LRMDA: variants seen among roughly 807,000 people sequenced by gnomAD.
LRMDA encodes the protein leucine rich melanocyte differentiation associated.
In LRMDA, 18 loss-of-function variants were observed where a neutral mutation model predicts 29.8. The observed-to-expected ratio is 0.60, with a 90% CI of 0.42 to 0.90. LRMDA has a LOEUF of 0.90. LRMDA is among the 40% of genes least tolerant of loss of function. LRMDA has a pLI of 0.00. For synonymous variants in LRMDA, 125 were observed against 109.4 expected (o/e 1.14, Z -0.89); for missense variants, 273 against 273.9 (o/e 1.00, Z 0.02).
chr10:75,789,105 C>G (rs1209172969), intron 2 of LRMDA, among the ~76,000 whole-genome samples: 5 of 152,230 alleles, frequency 3.3e-5, no homozygotes, highest in Admixed American at 1.3e-4. Context: ...TGGAATCACA[C>G]ATACAGGGTG....
chr10:75,818,253 G>A (rs1344939993), intron 2 of LRMDA, among the ~76,000 whole-genome samples: 1 of 152,140 alleles, frequency 6.6e-6, no homozygotes, highest in Non-Finnish European at 1.5e-5. Context: ...TAAGAGTTGT[G>A]GGGTCAGCCA....
chr10:76,016,458 T>C (rs924329081), intron 2 of LRMDA, among the ~76,000 whole-genome samples: 11 of 152,194 alleles, frequency 7.2e-5, no homozygotes, highest in African/African-American at 2.4e-5. Flanking sequence ...CTCCCTTTTC[T>C]CTATTTTGGC....
At chr10:76,123,252 T>A (rs1050880201) in intron 5 of LRMDA, among the ~76,000 whole-genome samples, 1 of 151,642 alleles carries the variant, frequency 6.6e-6, no homozygotes, top group Non-Finnish European at 1.5e-5. Context: ...CTCATACCTA[T>A]AATCCTAGTA....
intron 2 of LRMDA, among the ~76,000 whole-genome samples, chr10:75,553,722 G>A (rs916098310): frequency 6.6e-6 from 1 of 152,108 alleles, no homozygotes; most frequent in African/African-American, 2.4e-5. Flanking sequence ...CACCTTTTAA[G>A]GAGGAAGTGG....
chr10:76,172,456 G>A (rs1589362808), intron 5 of LRMDA, among the ~76,000 whole-genome samples: 2 of 152,308 alleles, frequency 1.3e-5, no homozygotes, highest in East Asian at 3.9e-4. Context: ...GAGTTGAGAT[G>A]AAGTTGAGAA....
chr10:76,043,725 G>A (rs781270616), intron 3 of LRMDA, among the ~76,000 whole-genome samples: 1 of 152,142 alleles, frequency 6.6e-6, no homozygotes, highest in Non-Finnish European at 1.5e-5. Context: ...CCCCGAACAT[G>A]GTGGCCAGCT....
chr10:76,522,897 T>C (rs931782898), intron 6 of LRMDA, among the ~76,000 whole-genome samples: 2 of 152,046 alleles, frequency 1.3e-5, no homozygotes, highest in Non-Finnish European at 2.9e-5. Flanking sequence ...AAATGGGTAA[T>C]TTACCGCCTC....
At chr10:76,306,131 G>A in intron 5 of LRMDA, among the ~76,000 whole-genome samples, 1 of 152,202 alleles carries the variant, frequency 6.6e-6, no homozygotes, top group Non-Finnish European at 1.5e-5. Flanking sequence ...GAAAGATTGG[G>A]TTTGGAACTC....
intron 6 of LRMDA, among the ~76,000 whole-genome samples, chr10:76,412,075 C>T (rs7901815): frequency 0.014 from 2,162 of 152,264 alleles, 50 homozygotes; most frequent in African/African-American, 0.049. Context: ...TGAATTCTCT[C>T]GAAATTTTGA....
intron 6 of LRMDA, among the ~76,000 whole-genome samples, chr10:76,515,705 C>T (rs979092317): frequency 6.6e-6 from 1 of 152,082 alleles, no homozygotes; most frequent in Non-Finnish European, 1.5e-5. Context: ...ATAGTTTTTC[C>T]TGTTGCCCAG....
intron 5 of LRMDA, among the ~76,000 whole-genome samples, chr10:76,302,618 T>C (rs1050302998): frequency 7.2e-5 from 11 of 152,124 alleles, no homozygotes; most frequent in African/African-American, 2.4e-4. Context: ...GAGAAAATGT[T>C]TGTGGTTTGT....
rs556502630 is a variant in LRMDA, at chr10:76,358,823, T to A, written c.601+34338T>A. Among the ~76,000 whole-genome samples the A allele has an allele frequency of 2.6e-5, 4 of 152,222 alleles. No homozygotes were observed. In the South Asian group the frequency reaches 8.3e-4, roughly 31 times the overall value. On this transcript the variant is annotated intron_variant, in intron 6 of 6. Coordinates refer to ENST00000611255, the MANE Select transcript of LRMDA (RefSeq NM_001305581.2). Reference sequence around the variant, plus strand: ...TTGAGTAGGACTTACATGTTATCCATCTAATCGCAGCTGTCTGGATGCACA... The same window carrying A: ...TTGAGTAGGACTTACATGTTATCCAACTAATCGCAGCTGTCTGGATGCACA...
chr10:75,916,829 A>G lies in LRMDA; in HGVS notation c.132-119179A>G, dbSNP rs1589252408. 2.0e-5 allele frequency among the ~76,000 whole-genome samples: 3 copies of G among 152,304 alleles called. No homozygotes were observed. The South Asian group carries it at 6.2e-4, about 32-fold the overall frequency. On this transcript the variant is annotated intron_variant, in intron 2 of 6. Coordinates refer to ENST00000611255, the MANE Select transcript of LRMDA (RefSeq NM_001305581.2). ...TACATTATTGGGTAATAGTTTTAAA[A>G]TTATTTATAGAAAGAAATCGAGCTG...
chr10:76,143,383 T>C (rs577946369), intron 5 of LRMDA, among the ~76,000 whole-genome samples: 2 of 152,340 alleles, frequency 1.3e-5, no homozygotes, highest in East Asian at 3.9e-4. Flanking sequence ...TGATTGCCAT[T>C]CTAACTGGTG....
At chr10:76,148,349 C>G (rs923360810) in intron 5 of LRMDA, among the ~76,000 whole-genome samples, 3 of 152,192 alleles carry the variant, frequency 2.0e-5, no homozygotes, top group Non-Finnish European at 4.4e-5. Flanking sequence ...TCTAGCTTCC[C>G]GGCTGCTTTG....
At chr10:76,385,485 T>C (rs948275622) in intron 6 of LRMDA, among the ~76,000 whole-genome samples, 1 of 152,192 alleles carries the variant, frequency 6.6e-6, no homozygotes, top group African/African-American at 2.4e-5. Flanking sequence ...GCAGTATGAA[T>C]GGTCTGTCTG....
At chr10:75,434,339 A>G (rs907302625) in intron 1 of LRMDA, among the ~76,000 whole-genome samples, 1 of 152,206 alleles carries the variant, frequency 6.6e-6, no homozygotes, top group Non-Finnish European at 1.5e-5. Flanking sequence ...AGGGACGATA[A>G]TATGCATGGG....
chr10:75,924,281 A>T (rs1846080220), intron 2 of LRMDA, among the ~76,000 whole-genome samples: 1 of 152,218 alleles, frequency 6.6e-6, no homozygotes, highest in African/African-American at 2.4e-5. Context: ...CGCATAATGT[A>T]CCGAAAAATT....
At chr10:76,333,009 A>T (rs1840922952) in intron 6 of LRMDA, among the ~76,000 whole-genome samples, 1 of 152,232 alleles carries the variant, frequency 6.6e-6, no homozygotes, top group Non-Finnish European at 1.5e-5. Context: ...TTTAGAAAAG[A>T]TAGCGTGCAA....
Sources: gnomAD v4.1 joint callset for allele counts (sites outside exome capture counted in the v4.1 genomes callset) on GRCh38, gnomAD v4.1.1 for gene constraint, MANE v1.5 for transcripts, NCBI Gene and HGNC (gene_info 2026-07-23, HGNC 2026-07-21) for gene names.